TASP1: variants seen among roughly 807,000 people sequenced by gnomAD.
TASP1 encodes the protein threonine aspartase 1.
In TASP1, 16 loss-of-function variants were observed where a neutral mutation model predicts 56.6. The observed-to-expected ratio is 0.28, with a 90% CI of 0.19 to 0.43. The LOEUF is 0.43. Ranked by LOEUF, TASP1 falls within the 20% of genes least tolerant of loss-of-function variation. The pLI, the probability that TASP1 is intolerant of heterozygous loss-of-function variation, is 1.00. For missense variants in TASP1, 393 were observed against 511.6 expected (o/e 0.77, Z 2.24); for synonymous variants, 179 against 184.2 (o/e 0.97, Z 0.23).
intron 5 of TASP1, among the ~76,000 whole-genome samples, chr20:13,582,096 A>C (rs990250672): frequency 6.6e-6 from 1 of 151,434 alleles, no homozygotes; most frequent in South Asian, 2.1e-4. Context: ...CTCAATACCA[A>C]ATCTTCCACA....
chr20:13,612,261 T>A (rs1212815224), intron 4 of TASP1, among the ~76,000 whole-genome samples: 1 of 152,120 alleles, frequency 6.6e-6, no homozygotes, highest in East Asian at 1.9e-4. Flanking sequence ...TTATAACAAA[T>A]AAAATTTGTA....
At chr20:13,308,366 A>C in the TASP1 span, among the ~76,000 whole-genome samples, 1 of 152,206 alleles carries the variant, frequency 6.6e-6, no homozygotes, top group Non-Finnish European at 1.5e-5. Flanking sequence ...TTTATACATT[A>C]TTATTTAGGA....
At chr20:13,361,733 C>T in the TASP1 span, among the ~76,000 whole-genome samples, 1 of 152,114 alleles carries the variant, frequency 6.6e-6, no homozygotes, top group Non-Finnish European at 1.5e-5. Flanking sequence ...CCCATACATG[C>T]CCTGCTCTTG....
the TASP1 span, among the ~76,000 whole-genome samples, chr20:13,117,988 C>A: frequency 6.6e-6 from 1 of 150,926 alleles, no homozygotes; most frequent in Non-Finnish European, 1.5e-5. Flanking sequence ...ATGCAAAGTA[C>A]CAGGCAGAGG....
chr20:13,237,174 A>G, the TASP1 span, among the ~76,000 whole-genome samples: 1 of 152,180 alleles, frequency 6.6e-6, no homozygotes, highest in African/African-American at 2.4e-5. Context: ...ATACAATTCA[A>G]TTGAGATTTG....
At chr20:13,590,077 C>CA (rs1416478991) in intron 4 of TASP1, among the ~76,000 whole-genome samples, 54 of 152,092 alleles carry the variant, frequency 3.6e-4, no homozygotes, top group African/African-American at 1.2e-3. Flanking sequence ...ACTAACAATA[C>CA]AAAAATCAGC....
chr20:13,153,964 T>A, the TASP1 span: 3 of 1,607,596 alleles, frequency 1.9e-6, no homozygotes, highest in Non-Finnish European at 2.6e-6. Flanking sequence ...TCCCTCTTTC[T>A]AGTGGGAATT....
chr20:13,325,385 G>A, the TASP1 span, among the ~76,000 whole-genome samples: 1 of 152,128 alleles, frequency 6.6e-6, no homozygotes, highest in Non-Finnish European at 1.5e-5. Flanking sequence ...TTGCTCTTCT[G>A]GTATCTGTCT....
chr20:13,569,364 T>C (rs76595931), intron 7 of TASP1, 143 bp downstream of exon 7: 1 of 559,956 alleles, frequency 1.8e-6, no homozygotes, highest in East Asian at 3.2e-5. Context: ...GAAATAACTT[T>C]CTACGTAGCT....
the TASP1 span, among the ~76,000 whole-genome samples, chr20:13,358,360 C>A: frequency 3.3e-4 from 50 of 152,332 alleles, no homozygotes; most frequent in African/African-American, 1.1e-3. Flanking sequence ...GATGGGGGGA[C>A]CTCCCTTGGG....
At chr20:13,400,101 T>C (rs1033200686) in intron 13 of TASP1, among the ~76,000 whole-genome samples, 12 of 152,204 alleles carry the variant, frequency 7.9e-5, no homozygotes, top group African/African-American at 2.2e-4. Context: ...AAACATAGTA[T>C]AGGCCTTACT....
intron 9 of TASP1, among the ~76,000 whole-genome samples, chr20:13,531,420 A>G (rs1049048720): frequency 6.6e-6 from 1 of 152,142 alleles, no homozygotes; most frequent in Non-Finnish European, 1.5e-5. Flanking sequence ...TCCAAACTGT[A>G]AATTCAAATT....
chr20:13,330,525 C>T, the TASP1 span, among the ~76,000 whole-genome samples: 15 of 152,068 alleles, frequency 9.9e-5, no homozygotes, highest in East Asian at 1.9e-4. Context: ...AATACTGGCC[C>T]CATAAAAAAT....
At chr20:13,246,821 T>G in the TASP1 span, among the ~76,000 whole-genome samples, 43 of 152,348 alleles carry the variant, frequency 2.8e-4, no homozygotes, top group East Asian at 6.0e-3. Context: ...CTGAACTTGG[T>G]TTTTAATAAA....
At chr20:13,306,775 A>C in the TASP1 span, among the ~76,000 whole-genome samples, 94 of 152,230 alleles carry the variant, frequency 6.2e-4, no homozygotes, top group African/African-American at 2.1e-3. Context: ...GTCAGGACCC[A>C]GCAGAGACCA....
chr20:13,283,691 C>T, the TASP1 span, among the ~76,000 whole-genome samples: 1 of 152,052 alleles, frequency 6.6e-6, no homozygotes, highest in Non-Finnish European at 1.5e-5. Flanking sequence ...AGGGAGAGTT[C>T]CAAATAAATA....
At chr20:13,579,120 T>C (rs1377993964) in intron 6 of TASP1, among the ~76,000 whole-genome samples, 1 of 152,234 alleles carries the variant, frequency 6.6e-6, no homozygotes, top group African/African-American at 2.4e-5. Flanking sequence ...GTTTAGTTCA[T>C]GTTAATTAGG....
the TASP1 span, among the ~76,000 whole-genome samples, chr20:13,342,310 T>C: frequency 6.6e-6 from 1 of 152,236 alleles, no homozygotes. Flanking sequence ...TTTTGACTTT[T>C]AGCTATTTCC....
At chr20:13,209,051 C>A in the TASP1 span, among the ~76,000 whole-genome samples, 1 of 152,192 alleles carries the variant, frequency 6.6e-6, no homozygotes, top group Admixed American at 6.5e-5. Context: ...GAACGTAAAC[C>A]TTATATGTGC....
Sources: allele counts gnomAD v4.1 joint callset (sites outside exome capture counted in the v4.1 genomes callset), GRCh38; gene constraint gnomAD v4.1.1; transcripts MANE v1.5; gene names NCBI Gene and HGNC (gene_info 2026-07-23, HGNC 2026-07-21).